The following SDK1 variants were observed in gnomAD, a reference collection of about 807,000 sequenced individuals.
SDK1 encodes protein sidekick-1.
SDK1 carries 157 observed loss-of-function variants against 245.5 expected under a neutral mutation model. That is an observed-to-expected ratio of 0.64 (90% CI 0.56 to 0.73). SDK1 has a LOEUF of 0.73. Ranked by LOEUF, SDK1 falls within the 30% of genes least tolerant of loss-of-function variation. The pLI, the probability that SDK1 is intolerant of heterozygous loss-of-function variation, is 0.00. For synonymous variants in SDK1, 1,647 were observed against 1,278.5 expected, an observed-to-expected ratio of 1.29 and a Z score of -6.15; for missense variants, 3,583 against 3,002.3, an observed-to-expected ratio of 1.19 and a Z score of -4.52.
intron 19 of SDK1, among the ~76,000 whole-genome samples, chr7:4,065,694 G>GTTTTTTTTTTTTTTTTTTTTTTTTT (rs749991713): frequency 1.5e-5 from 1 of 66,720 alleles, no homozygotes; most frequent in Non-Finnish European, 3.7e-5. Flanking sequence ...AGTGGTTGTT[G>GTTTTTTTTTTTTTTTTTTTTTTTTT]TTTTTTTTTT....
chr7:4,248,671 C>T (rs1468957799), intron 44 of SDK1, among the ~76,000 whole-genome samples: 5 of 151,980 alleles, frequency 3.3e-5, no homozygotes, highest in African/African-American at 7.3e-5. Flanking sequence ...AATAACTACA[C>T]ACCTGAATAC....
chr7:4,128,163 A>G (rs1311172170), intron 26 of SDK1, among the ~76,000 whole-genome samples: 11 of 152,126 alleles, frequency 7.2e-5, no homozygotes. Flanking sequence ...GCCAAGCATC[A>G]GAATGAGCTG....
At chr7:3,823,671 C>G (rs897701390) in intron 5 of SDK1, among the ~76,000 whole-genome samples, 9 of 152,042 alleles carry the variant, frequency 5.9e-5, no homozygotes, top group African/African-American at 2.2e-4. Context: ...CATTTTGTTC[C>G]TTTGTATGTA....
chr7:3,653,651 C>T (rs1220745181), intron 4 of SDK1, among the ~76,000 whole-genome samples: 1 of 152,132 alleles, frequency 6.6e-6, no homozygotes, highest in African/African-American at 2.4e-5. Flanking sequence ...TAAACGCATC[C>T]CAATCACATG....
chr7:3,924,136 A>C (rs555232799), intron 5 of SDK1, among the ~76,000 whole-genome samples: 35 of 151,942 alleles, frequency 2.3e-4, no homozygotes, highest in African/African-American at 8.2e-4. Flanking sequence ...TACAGAGTAA[A>C]GGGGACGCTG....
At chr7:4,226,927 T>C (rs538557597) in intron 40 of SDK1, among the ~76,000 whole-genome samples, 59 of 140,676 alleles carry the variant, frequency 4.2e-4, no homozygotes, top group African/African-American at 1.6e-3. Flanking sequence ...CAGGCAGATA[T>C]TGTATTGCAT....
chr7:3,551,748 T>C (rs1012032519), intron 1 of SDK1, among the ~76,000 whole-genome samples: 28 of 152,078 alleles, frequency 1.8e-4, no homozygotes. Context: ...CGATCACGGC[T>C]CACCGCAGCC....
At chr7:3,637,053 C>CAG (rs10577617) in intron 2 of SDK1, among the ~76,000 whole-genome samples, 101 of 148,642 alleles carry the variant, frequency 6.8e-4, no homozygotes, top group Middle Eastern at 3.4e-3. Context: ...TTTCCTGATG[C>CAG]AGAGAGAGAG....
intron 43 of SDK1, among the ~76,000 whole-genome samples, chr7:4,243,778 A>T (rs922051620): frequency 2.0e-5 from 3 of 152,060 alleles, no homozygotes; most frequent in Non-Finnish European, 4.4e-5. Flanking sequence ...ACCATATCAG[A>T]CCCCACATGT....
intron 1 of SDK1, among the ~76,000 whole-genome samples, chr7:3,423,220 T>A (rs930397909): frequency 1.3e-5 from 2 of 152,242 alleles, no homozygotes; most frequent in Admixed American, 1.3e-4. Context: ...TTTACGTTTT[T>A]TATTGTGGCC....
intron 22 of SDK1, among the ~76,000 whole-genome samples, chr7:4,103,221 C>T (rs898002322): frequency 1.3e-5 from 2 of 152,100 alleles, no homozygotes; most frequent in African/African-American, 4.8e-5. Flanking sequence ...AGGATGGTCT[C>T]AATCTCCTGA....
chr7:3,500,245 T>C (rs1252148725), intron 1 of SDK1, among the ~76,000 whole-genome samples: 3 of 152,214 alleles, frequency 2.0e-5, no homozygotes, highest in South Asian at 2.1e-4. Flanking sequence ...TTGCTTCTTA[T>C]TTGTACTGAG....
At chr7:3,851,168 T>G (rs1316503858) in intron 5 of SDK1, among the ~76,000 whole-genome samples, 5 of 152,232 alleles carry the variant, frequency 3.3e-5, no homozygotes, top group Admixed American at 6.5e-5. Flanking sequence ...AATTATCATT[T>G]TATTAAAATT....
At chr7:4,094,346 G>GCCA (rs374448612) in intron 22 of SDK1, among the ~76,000 whole-genome samples, 36 of 152,312 alleles carry the variant, frequency 2.4e-4, no homozygotes, top group African/African-American at 8.4e-4. Flanking sequence ...ATAGGTGTGA[G>GCCA]CCACCGCGCC....
At chr7:3,432,163 T>TA (rs535319716) in intron 1 of SDK1, among the ~76,000 whole-genome samples, 12 of 147,492 alleles carry the variant, frequency 8.1e-5, no homozygotes, top group African/African-American at 3.0e-4. Context: ...ATATATATTT[T>TA]TATATATATA....
intron 5 of SDK1, among the ~76,000 whole-genome samples, chr7:3,948,060 A>G (rs901862199): frequency 1.3e-5 from 2 of 152,190 alleles, no homozygotes; most frequent in Non-Finnish European, 2.9e-5. Context: ...ATGTACTACA[A>G]TGAGCACTAT....
chr7:3,439,072 C>G (rs1178431323), intron 1 of SDK1, among the ~76,000 whole-genome samples: 3 of 151,976 alleles, frequency 2.0e-5, no homozygotes, highest in Non-Finnish European at 2.9e-5. Context: ...AGGCTGGTCT[C>G]AAACTCCTGA....
At chr7:4,080,046 G>T (rs933024867) in intron 22 of SDK1, among the ~76,000 whole-genome samples, 19 of 152,220 alleles carry the variant, frequency 1.2e-4, no homozygotes, top group African/African-American at 4.3e-4. Context: ...GACAAAGCTG[G>T]CTGAGTTTCT....
chr7:3,914,340 A>G (rs1384403807), intron 5 of SDK1, among the ~76,000 whole-genome samples: 1 of 152,158 alleles, frequency 6.6e-6, no homozygotes, highest in African/African-American at 2.4e-5. Context: ...GGAAATCAGG[A>G]GGGGGCAAAG....
Sources: allele counts gnomAD v4.1 joint callset (sites outside exome capture counted in the v4.1 genomes callset), GRCh38; gene constraint gnomAD v4.1.1; transcripts MANE v1.5; gene names NCBI Gene and HGNC (gene_info 2026-07-23, HGNC 2026-07-21).